The following CTNNA3 variants were observed in gnomAD, a reference collection of about 807,000 sequenced individuals.
The protein encoded by CTNNA3 is catenin alpha-3.
In CTNNA3, 76 loss-of-function variants were observed where a neutral mutation model predicts 95.7. The observed-to-expected ratio is 0.79, with a 90% confidence interval of 0.66 to 0.96. The LOEUF (loss-of-function observed/expected upper bound fraction) is 0.96. CTNNA3 is among the 40% of genes least tolerant of loss of function. CTNNA3 has a pLI of 0.00. For synonymous variants in CTNNA3, 431 were observed against 374.4 expected (o/e 1.15, Z -1.74); for missense variants, 1,191 against 1,089.8 (o/e 1.09, Z -1.31).
chr10:67,426,598 T>C (rs1344575641), intron 5 of CTNNA3, among the ~76,000 whole-genome samples: 1 of 152,024 alleles, frequency 6.6e-6, no homozygotes, highest in Non-Finnish European at 1.5e-5. Flanking sequence ...CAGATGGGAA[T>C]TGAACAATGA....
chr10:66,810,642 G>A lies in CTNNA3; in HGVS notation c.1048-35118C>T, dbSNP rs946010112. Among the ~76,000 whole-genome samples the A allele has an allele frequency of 8.6e-5, 4 of 46,570 alleles. No individual in the cohort carries two copies. In the East Asian group the frequency reaches 8.7e-3, roughly 101 times the overall value. 30.6% of individuals were successfully genotyped at this position (46,570 alleles called of 152,430 possible). On this transcript the variant is annotated intron_variant, in intron 7 of 17. Coordinates refer to ENST00000433211, the MANE Select transcript of CTNNA3 (RefSeq NM_013266.4). The stretch of plus-strand genomic sequence containing the variant: ...AGCTAGAAACTGAGTAAAATATTTT[G>A]TTACTTAAAATCTTCAATGTTTTCT...
chr10:66,555,278 G>A (rs933015712), intron 10 of CTNNA3, among the ~76,000 whole-genome samples: 1 of 152,054 alleles, frequency 6.6e-6, no homozygotes, highest in African/African-American at 2.4e-5. Context: ...TCAAATTCTT[G>A]AGATGTTGCC....
intron 1 of CTNNA3, among the ~76,000 whole-genome samples, chr10:67,743,344 A>C (rs1388509160): frequency 6.6e-6 from 1 of 151,366 alleles, no homozygotes; most frequent in Non-Finnish European, 1.5e-5. Context: ...AGGCTGGTTC[A>C]ACATACGCAA....
At chr10:66,458,795 A>G (rs2093510665) in intron 11 of CTNNA3, among the ~76,000 whole-genome samples, 1 of 152,174 alleles carries the variant, frequency 6.6e-6, no homozygotes, top group Non-Finnish European at 1.5e-5. Context: ...CCATTGTATG[A>G]TAAGCCATAT....
intron 5 of CTNNA3, among the ~76,000 whole-genome samples, chr10:67,222,610 C>T (rs1192179994): frequency 1.3e-5 from 2 of 152,176 alleles, no homozygotes; most frequent in African/African-American, 4.8e-5. Context: ...CAACGTTGTA[C>T]AAGCTCTACC....
At chr10:66,531,057 C>T (rs1841449966) in intron 10 of CTNNA3, among the ~76,000 whole-genome samples, 2 of 151,934 alleles carry the variant, frequency 1.3e-5, no homozygotes, top group South Asian at 4.2e-4. Context: ...GGCAATAATT[C>T]CACATGAAAA....
intron 7 of CTNNA3, among the ~76,000 whole-genome samples, chr10:67,086,557 A>G (rs1440555352): frequency 6.6e-6 from 1 of 152,012 alleles, no homozygotes; most frequent in African/African-American, 2.4e-5. Context: ...TTTTTAGATG[A>G]GGCATGTCAA....
intron 7 of CTNNA3, among the ~76,000 whole-genome samples, chr10:66,972,953 T>G (rs982364289): frequency 6.6e-6 from 1 of 152,040 alleles, no homozygotes; most frequent in African/African-American, 2.4e-5. Context: ...GATAAATAAA[T>G]ACAGTAGAGA....
chr10:66,690,343 A>G (rs1220877831), intron 9 of CTNNA3, among the ~76,000 whole-genome samples: 1 of 151,690 alleles, frequency 6.6e-6, no homozygotes, highest in African/African-American at 2.4e-5. Context: ...TTATTATTAT[A>G]CTTTAAGTTT....
At chr10:66,428,101 T>C (rs1297996562) in intron 11 of CTNNA3, among the ~76,000 whole-genome samples, 2 of 151,980 alleles carry the variant, frequency 1.3e-5, no homozygotes, top group Non-Finnish European at 2.9e-5. Flanking sequence ...GGGGTTGCAA[T>C]CCTAGTCTCT....
At chr10:67,629,314 C>T (rs759009610) in intron 2 of CTNNA3, among the ~76,000 whole-genome samples, 10 of 152,160 alleles carry the variant, frequency 6.6e-5, no homozygotes, top group Non-Finnish European at 1.0e-4. Context: ...GCCTTCACCC[C>T]TACACTGCTT....
At chr10:66,231,369 A>T (rs2089581313) in intron 13 of CTNNA3, among the ~76,000 whole-genome samples, 1 of 152,208 alleles carries the variant, frequency 6.6e-6, no homozygotes, top group Non-Finnish European at 1.5e-5. Flanking sequence ...ATAGAAAAAA[A>T]AATCATAAGA....
intron 11 of CTNNA3, among the ~76,000 whole-genome samples, chr10:66,515,947 A>G (rs1251355567): frequency 1.3e-5 from 2 of 150,868 alleles, no homozygotes; most frequent in Non-Finnish European, 3.0e-5. Context: ...CAAGTACCAG[A>G]TAAGTTATTT....
chr10:67,195,515 G>A, intron 6 of CTNNA3, among the ~76,000 whole-genome samples: 1 of 120,034 alleles, frequency 8.3e-6, no homozygotes, highest in Admixed American at 1.2e-4. Flanking sequence ...CGGGGGCGGG[G>A]GGCGGGTAGG....
intron 2 of CTNNA3, among the ~76,000 whole-genome samples, chr10:67,608,642 G>A (rs955536583): frequency 1.3e-4 from 19 of 151,876 alleles, no homozygotes; most frequent in African/African-American, 3.6e-4. Flanking sequence ...AATTTTATTC[G>A]CCAATTTTAA....
At chr10:65,988,598 A>C in intron 16 of CTNNA3, 94 bp downstream of exon 16, 1 of 914,194 alleles carries the variant, frequency 1.1e-6, no homozygotes, top group South Asian at 1.6e-5. Flanking sequence ...AAATGGTTGA[A>C]GAGAGTAAAA....
At chr10:67,110,493 A>T (rs543650593) in intron 7 of CTNNA3, among the ~76,000 whole-genome samples, 2 of 151,850 alleles carry the variant, frequency 1.3e-5, no homozygotes, top group Non-Finnish European at 2.9e-5. Context: ...AAGTAATTGG[A>T]CAATTGGACA....
chr10:66,125,708 G>A lies in CTNNA3; in HGVS notation c.1885-22459C>T, dbSNP rs531449174. Among the ~76,000 whole-genome samples the A allele has an allele frequency of 3.9e-5, 6 of 152,266 alleles. No individual in the cohort carries two copies. The East Asian group carries it at 7.7e-4, about 20-fold the overall frequency. Reference sequence around the variant, plus strand: ...TATCAAGCTATGAGAACACCTGGATGAACTTTAAATGCTTATAGCTGGGTG... The same window carrying A: ...TATCAAGCTATGAGAACACCTGGATAAACTTTAAATGCTTATAGCTGGGTG... On this transcript the variant is annotated intron_variant, in intron 13 of 17. Transcript: ENST00000433211.
At chr10:66,453,101 C>T (rs2093475266) in intron 11 of CTNNA3, among the ~76,000 whole-genome samples, 1 of 151,930 alleles carries the variant, frequency 6.6e-6, no homozygotes, top group African/African-American at 2.4e-5. Context: ...CCTGTAGTCC[C>T]AGCTGCTTGG....
Sources: allele counts gnomAD v4.1 joint callset (sites outside exome capture counted in the v4.1 genomes callset), GRCh38; gene constraint gnomAD v4.1.1; transcripts MANE v1.5; gene names NCBI Gene and HGNC (gene_info 2026-07-23, HGNC 2026-07-21).